The following SRD5A2 variants were observed in gnomAD, a reference collection of about 807,000 sequenced individuals.
SRD5A2 encodes 3-oxo-5-alpha-steroid 4-dehydrogenase 2.
Under a neutral mutation model 27.4 loss-of-function variants are expected in SRD5A2, and 30 were observed. The ratio of observed to expected loss-of-function variants is 1.10; its 90% CI spans 0.82 to 1.49. SRD5A2 has a LOEUF of 1.49. SRD5A2 is among the 40% of genes most tolerant of loss of function. The pLI is 0.00. For missense variants in SRD5A2, 348 were observed against 323.4 expected (o/e 1.08, Z -0.58); for synonymous variants, 141 against 133.6 (o/e 1.06, Z -0.38).
At chr2:31,587,427 T>C in the SRD5A2 span, among the ~76,000 whole-genome samples, 2 of 152,202 alleles carry the variant, frequency 1.3e-5, no homozygotes, top group African/African-American at 4.8e-5. Context: ...GGATCATAAT[T>C]CATTCTACTA....
At chr2:31,548,354 G>T (rs1221444986) in intron 1 of SRD5A2, among the ~76,000 whole-genome samples, 1 of 152,140 alleles carries the variant, frequency 6.6e-6, no homozygotes, top group Non-Finnish European at 1.5e-5. Context: ...TCTGACAAGA[G>T]ATTGACATCC....
At chr2:31,580,106 A>T (rs925429085) in intron 1 of SRD5A2, among the ~76,000 whole-genome samples, 3 of 152,220 alleles carry the variant, frequency 2.0e-5, no homozygotes, top group Non-Finnish European at 4.4e-5. Context: ...AGACTAAATC[A>T]ATGAGAACCT....
At chr2:31,539,145 G>C (rs1666081543) in intron 1 of SRD5A2, among the ~76,000 whole-genome samples, 1 of 152,184 alleles carries the variant, frequency 6.6e-6, no homozygotes, top group Non-Finnish European at 1.5e-5. Context: ...AAGCAAACAT[G>C]AGAAGATTCT....
At chr2:31,613,136 G>C in the SRD5A2 span, among the ~76,000 whole-genome samples, 1 of 152,100 alleles carries the variant, frequency 6.6e-6, no homozygotes, top group South Asian at 2.1e-4. Flanking sequence ...GACTCCAAAA[G>C]TACATGAAAC....
intron 4 of SRD5A2, among the ~76,000 whole-genome samples, chr2:31,526,791 A>G (rs1018441386): frequency 6.6e-6 from 1 of 152,158 alleles, no homozygotes; most frequent in Admixed American, 6.5e-5. Context: ...ACCCCCAGTA[A>G]CTGAGAGGGT....
the SRD5A2 span, among the ~76,000 whole-genome samples, chr2:31,626,734 G>C: frequency 2.6e-5 from 4 of 152,142 alleles, 1 homozygote; most frequent in Non-Finnish European, 5.9e-5. Flanking sequence ...TAAGCTTTTT[G>C]ATGTGCTGCT....
At chr2:31,542,069 ACATTGGACAC>A (rs1459677191) in intron 1 of SRD5A2, among the ~76,000 whole-genome samples, 1 of 152,320 alleles carries the variant, frequency 6.6e-6, no homozygotes, top group East Asian at 1.9e-4. Flanking sequence ...GAATCAGTGA[ACATTGGACAC>A]CAGCCAGGGT....
chr2:31,541,816 A>G (rs1411980463), intron 1 of SRD5A2, among the ~76,000 whole-genome samples: 2 of 152,176 alleles, frequency 1.3e-5, no homozygotes, highest in Non-Finnish European at 2.9e-5. Context: ...ATTGAACTCA[A>G]TGCTGCCCTG....
the SRD5A2 span, among the ~76,000 whole-genome samples, chr2:31,647,786 C>G: frequency 1.3e-5 from 2 of 152,122 alleles, no homozygotes; most frequent in African/African-American, 4.8e-5. Flanking sequence ...TGAACATTTG[C>G]TTTTTATTTA....
the SRD5A2 span, among the ~76,000 whole-genome samples, chr2:31,660,278 G>A: frequency 6.6e-6 from 1 of 151,722 alleles, no homozygotes; most frequent in Non-Finnish European, 1.5e-5. Context: ...GATATAGAGG[G>A]GAAAAGAACT....
the SRD5A2 span, among the ~76,000 whole-genome samples, chr2:31,630,542 C>A: frequency 7.4e-4 from 112 of 152,276 alleles, no homozygotes; most frequent in African/African-American, 2.4e-3. Context: ...CAACCAGTAG[C>A]CTTCCTATCA....
chr2:31,563,335 T>C (rs1264831880), intron 1 of SRD5A2: 5 of 151,956 alleles, frequency 3.3e-5, no homozygotes, highest in African/African-American at 4.8e-5. Flanking sequence ...CACTTCTGCT[T>C]CCAGTCAAGG....
chr2:31,536,271 AAAC>A (rs1240707087), intron 1 of SRD5A2, among the ~76,000 whole-genome samples: 2 of 151,894 alleles, frequency 1.3e-5, no homozygotes, highest in Non-Finnish European at 2.9e-5. Flanking sequence ...CTACTGTAAC[AAAC>A]AACTACAAAG....
chr2:31,629,499 A>G, the SRD5A2 span, among the ~76,000 whole-genome samples: 1 of 152,214 alleles, frequency 6.6e-6, no homozygotes, highest in Non-Finnish European at 1.5e-5. Context: ...CAGCCAGTTA[A>G]AAATGATTAG....
At chr2:31,578,408 C>T (rs893451059) in intron 1 of SRD5A2, among the ~76,000 whole-genome samples, 1 of 152,116 alleles carries the variant, frequency 6.6e-6, no homozygotes, top group Non-Finnish European at 1.5e-5. Flanking sequence ...ATTGTGTGAC[C>T]TTGGGCAAGG....
rs746080348 is a variant in SRD5A2 at position 31,529,500 on chromosome 2, C to A, written c.548-43G>T. On this transcript the variant is annotated intron_variant, in intron 3 of 4. Coordinates refer to ENST00000622030, the MANE Select transcript of SRD5A2 (RefSeq NM_000348.4). ...GGAAGGTCAATCATTGCAACTGAATCATTTTGACATTAAACCCATCTGTGT... is the reference window on the plus strand; with the variant it reads ...GGAAGGTCAATCATTGCAACTGAATAATTTTGACATTAAACCCATCTGTGT... 28 of 1,601,932 alleles carry A rather than the reference C, an allele frequency of 1.7e-5. No individual in the cohort carries two copies. In the Admixed American group the frequency reaches 2.6e-4, roughly 15 times the overall value.
the SRD5A2 span, among the ~76,000 whole-genome samples, chr2:31,609,495 C>T: frequency 6.6e-6 from 1 of 152,082 alleles, no homozygotes; most frequent in Non-Finnish European, 1.5e-5. Context: ...ACAAGGTTGT[C>T]AAGATCATTC....
At chr2:31,590,582 TA>T in the SRD5A2 span, among the ~76,000 whole-genome samples, 8 of 152,164 alleles carry the variant, frequency 5.3e-5, no homozygotes, top group Non-Finnish European at 1.2e-4. Flanking sequence ...AAAACTACTT[TA>T]AAGTTCATAT....
chr2:31,574,477 G>A (rs1572656288), intron 1 of SRD5A2, among the ~76,000 whole-genome samples: 1 of 152,188 alleles, frequency 6.6e-6, no homozygotes, highest in African/African-American at 2.4e-5. Flanking sequence ...TGGACAAAAA[G>A]TTGGTCCTTT....
Sources: allele counts gnomAD v4.1 joint callset (sites outside exome capture counted in the v4.1 genomes callset), GRCh38; gene constraint gnomAD v4.1.1; transcripts MANE v1.5; gene names NCBI Gene and HGNC (gene_info 2026-07-23, HGNC 2026-07-21).